Variants in NUBP1 observed in about 807,000 individuals in gnomAD.
NUBP1 encodes the protein NUBP iron-sulfur cluster assembly factor 1, cytosolic.
A neutral mutation model predicts 41.8 loss-of-function variants in NUBP1; 46 were observed. The observed-to-expected ratio is 1.10, with a 90% CI of 0.87 to 1.41. The LOEUF (loss-of-function observed/expected upper bound fraction) is 1.41. Among genes scored for constraint, NUBP1 ranks in the 40% most tolerant of loss-of-function variants. NUBP1 has a pLI of 0.00. For missense variants in NUBP1, 494 were observed against 414.0 expected (o/e 1.19, Z -1.68); for synonymous variants, 189 against 154.6 (o/e 1.22, Z -1.65).
rs1054850473 is a variant in NUBP1 at position 10,761,266 on chromosome 16, A to T, written c.607-98A>T. The stretch of plus-strand genomic sequence containing the variant: ...GGGCAGAAACCTCTAAGGCTTTATG[A>T]TCGCAGATCCACTGCATTGCAGCCA... On this transcript the variant is annotated intron_variant, in intron 7 of 10. Transcript: ENST00000283027. 2.7e-6 allele frequency: 3 copies of T among 1,098,694 alleles called. No individual in the cohort carries two copies. The African/African-American group carries it at 4.7e-5, about 17-fold the overall frequency. 68.1% of individuals were successfully genotyped at this position (1,098,694 alleles called of 1,614,324 possible).
chr16:10,765,309 G>A lies in NUBP1; in HGVS notation c.821-2640G>A, dbSNP rs941159069. ...ACCATGCTCTAGCCTGGGTAACACA[G>A]GAAGATACCTCATCTCTTAAAAAAA... On this transcript the variant is annotated intron_variant, in intron 9 of 10. Coordinates refer to ENST00000283027, the MANE Select transcript of NUBP1 (RefSeq NM_002484.4). The surrounding 1 kb of genome is among the most constrained non-coding windows in gnomAD (Gnocchi z 4.0). 1.4e-5 allele frequency among the ~76,000 whole-genome samples: 2 copies of A among 141,256 alleles called. No homozygotes were observed. Among genetic ancestry groups the A allele is most frequent in the African/African-American group, 5.3e-5 (2 of 37,738 alleles). The allele number at this position is 141,256 out of a possible 152,430, so 92.7% of individuals were successfully genotyped here.
rs2029985989 is a variant in NUBP1, at chr16:10,761,979, C to G, written c.820+120C>G. On this transcript the variant is annotated intron_variant, in intron 9 of 10. Transcript: ENST00000283027. ...TGGAAGGAGGAGGGTCAATGGGGCG[C>G]TGGAGCCAGACCCACCCTCCAGCTG... is the stretch of plus-strand genomic sequence containing the variant. 3 of 745,858 alleles carry G rather than the reference C, an allele frequency of 4.0e-6. No individual in the cohort carries two copies. In the Admixed American group the frequency reaches 8.0e-5, roughly 20 times the overall value. The allele number at this position is 745,858 out of a possible 1,614,324, so 46.2% of individuals were successfully genotyped here. A position where few individuals can be genotyped will look rare whatever the true frequency, so the allele number is the denominator to read the frequency against.
At chr16:10,752,728 T>G in intron 4 of NUBP1, 50 bp downstream of exon 4, 25 of 1,453,606 alleles carry the variant, frequency 1.7e-5, no homozygotes, top group South Asian at 2.3e-5. Context: ...AGGCAAACTC[T>G]GTAGCACTGA....
intron 2 of NUBP1, among the ~76,000 whole-genome samples, chr16:10,744,810 T>G (rs1393377528): frequency 1.3e-5 from 2 of 151,622 alleles, no homozygotes; most frequent in Non-Finnish European, 2.9e-5. Flanking sequence ...CAGACCAGAG[T>G]GCAGTGGTGT....
chr16:10,758,429 C>T lies in NUBP1; in HGVS notation c.606+402C>T, dbSNP rs546658305. ...AGGAGGTTGCAGTGAGCCATGATCA[C>T]GCCAGTGCAGTCCAGCCAGCGCAAG... is the stretch of plus-strand genomic sequence containing the variant. On this transcript the variant is annotated intron_variant, in intron 7 of 10. Transcript: ENST00000283027. Among the ~76,000 whole-genome samples, 189 of 152,292 alleles carry T rather than the reference C, an allele frequency of 1.2e-3. 2 individuals are homozygous for T. The highest frequency in any genetic ancestry group is 4.3e-3 in the African/African-American group (177 of 41,564).
At chr16:10,755,886 T>G in intron 5 of NUBP1, 133 bp downstream of exon 5, 2 of 782,128 alleles carry the variant, frequency 2.6e-6, no homozygotes, top group Non-Finnish European at 4.3e-6. Flanking sequence ...TTAAAACCAG[T>G]GATTGGCAGG....
chr16:10,764,898 T>C (rs1262038562), intron 9 of NUBP1: 1 of 173,900 alleles, frequency 5.8e-6, no homozygotes, highest in East Asian at 1.9e-4. Context: ...TGCTGGAGTA[T>C]GTCAGTCTGT....
intron 6 of NUBP1, 72 bp downstream of exon 6, chr16:10,756,852 CCT>C: frequency 8.2e-7 from 1 of 1,219,336 alleles, no homozygotes; most frequent in Non-Finnish European, 1.2e-6. Context: ...TTATCTGCTC[CCT>C]GTCCTGCCAG....
rs1037121094 is a variant in NUBP1 at position 10,759,228 on chromosome 16, G to C, written c.606+1201G>C. 1.3e-5 allele frequency among the ~76,000 whole-genome samples: 2 copies of C among 152,346 alleles called. No individual in the cohort carries two copies. The highest frequency in any genetic ancestry group is 4.8e-5 in the African/African-American group (2 of 41,582). ...CCCCTGTGGCTCCCTGAGGAACACA[G>C]GTGCTGGACACAGGGATGAGGGTAC... is the stretch of plus-strand genomic sequence containing the variant. On this transcript the variant is annotated intron_variant, in intron 7 of 10. Coordinates refer to ENST00000283027, the MANE Select transcript of NUBP1 (RefSeq NM_002484.4). The surrounding 1 kb of genome is among the most constrained non-coding windows in gnomAD (Gnocchi z 4.7).
At chr16:10,752,926 C>G (rs1471617069) in intron 4 of NUBP1, among the ~76,000 whole-genome samples, 1 of 152,196 alleles carries the variant, frequency 6.6e-6, no homozygotes, top group African/African-American at 2.4e-5. Flanking sequence ...TCCTGAGTAG[C>G]TGGGACTACA....
Position 10,766,374 on chromosome 16 carries a change from C to T in NUBP1, c.821-1575C>T, listed in dbSNP as rs62027828. On this transcript the variant is annotated intron_variant, in intron 9 of 10. Coordinates refer to ENST00000283027, the MANE Select transcript of NUBP1 (RefSeq NM_002484.4). This position sits in a 1 kb window ranked among gnomAD's most constrained non-coding sequence, Gnocchi z 4.8. ...CACCAGCTGTTCTGATAATGCTGCC[C>T]GTTCTTGGAGAGGTGGGAGCCCAGG... Among the ~76,000 whole-genome samples, 570 of 152,262 alleles carry T rather than the reference C, an allele frequency of 3.7e-3. 2 individuals are homozygous for T. The highest frequency in any genetic ancestry group is 0.017 in the Middle Eastern group (5 of 294).
Position 10,762,757 on chromosome 16 carries a change from A to G in NUBP1, c.820+898A>G, listed in dbSNP as rs1029817345. On this transcript the variant is annotated intron_variant, in intron 9 of 10. Transcript: ENST00000283027. Reference sequence around the variant, plus strand: ...TGTGAGGTGTCTGTGCCGGGACAGGAGAGAGGGGCCGGGCGGGTGAAGTAT... The same window carrying G: ...TGTGAGGTGTCTGTGCCGGGACAGGGGAGAGGGGCCGGGCGGGTGAAGTAT... Among the ~76,000 whole-genome samples, 16 of 150,806 alleles carry G rather than the reference A, an allele frequency of 1.1e-4. No homozygotes were observed. In the East Asian group the frequency reaches 3.1e-3, roughly 30 times the overall value.
intron 5 of NUBP1, among the ~76,000 whole-genome samples, chr16:10,756,227 A>G (rs971541619): frequency 3.9e-5 from 6 of 152,090 alleles, no homozygotes; most frequent in Non-Finnish European, 7.4e-5. Context: ...AAAGATACAA[A>G]AATTAGCCGA....
At position 10,766,599 on chromosome 16, in the gene NUBP1, C is replaced by T. The variant is rs1596479275; in HGVS notation, c.821-1350C>T. The T allele has an allele frequency of 1.1e-5, 2 of 179,828 alleles. No homozygotes were observed. Among genetic ancestry groups the T allele is most frequent in the East Asian group, 2.9e-4 (2 of 6,952 alleles). 11.1% of individuals were successfully genotyped at this position (179,828 alleles called of 1,614,324 possible). On this transcript the variant is annotated intron_variant, in intron 9 of 10. Transcript: ENST00000283027. The surrounding 1 kb of genome is among the most constrained non-coding windows in gnomAD (Gnocchi z 4.8). ...CTCCCTAGCGAGTTCCACATGGTCTCATGGGCCCAGCGTTAACGGCGGAGG... is the reference window on the plus strand; with the variant it reads ...CTCCCTAGCGAGTTCCACATGGTCTTATGGGCCCAGCGTTAACGGCGGAGG...
intron 3 of NUBP1, 90 bp from the exon 4 acceptor site, chr16:10,752,520 T>C: frequency 1.9e-6 from 2 of 1,041,308 alleles, no homozygotes; most frequent in Admixed American, 3.5e-5. Context: ...CCCCTGTCCT[T>C]TTCCTCTAAC....
intron 7 of NUBP1, 141 bp from the exon 8 acceptor site, chr16:10,761,223 C>T: frequency 3.0e-6 from 2 of 669,554 alleles, no homozygotes; most frequent in Non-Finnish European, 5.0e-6. Flanking sequence ...GATGGGGACA[C>T]AGAGCCAAAC....
intron 4 of NUBP1, among the ~76,000 whole-genome samples, chr16:10,754,248 A>ATTTTAT (rs373945552): frequency 5.7e-5 from 8 of 139,632 alleles, no homozygotes; most frequent in African/African-American, 2.3e-4. Flanking sequence ...ATTTTATTTT[A>ATTTTAT]TTTATTTTAT....
At chr16:10,752,937 G>A (rs1364984644) in intron 4 of NUBP1, among the ~76,000 whole-genome samples, 5 of 152,190 alleles carry the variant, frequency 3.3e-5, no homozygotes, top group African/African-American at 9.7e-5. Flanking sequence ...TGGGACTACA[G>A]TGGTGTGCCA....
rs554099053 is a variant in NUBP1 at position 10,759,705 on chromosome 16, G to A, written c.607-1659G>A. Reference sequence around the variant, plus strand: ...GTGGGAGAAGTGCTTGAATCCAGGAGACAGAGGTTGCAGTGAGCCGAGATC... The same window carrying A: ...GTGGGAGAAGTGCTTGAATCCAGGAAACAGAGGTTGCAGTGAGCCGAGATC... On this transcript the variant is annotated intron_variant, in intron 7 of 10. Coordinates refer to ENST00000283027, the MANE Select transcript of NUBP1 (RefSeq NM_002484.4). This position sits in a 1 kb window ranked among gnomAD's most constrained non-coding sequence, Gnocchi z 4.7. 7.0e-4 allele frequency among the ~76,000 whole-genome samples: 106 copies of A among 152,286 alleles called. No individual in the cohort carries two copies. Among genetic ancestry groups the A allele is most frequent in the African/African-American group, 2.4e-3 (100 of 41,570 alleles).
Sources: allele counts gnomAD v4.1 joint callset (sites outside exome capture counted in the v4.1 genomes callset), GRCh38; gene constraint gnomAD v4.1.1; non-coding constraint Gnocchi (gnomAD v3.1); transcripts MANE v1.5; gene names NCBI Gene and HGNC (gene_info 2026-07-23, HGNC 2026-07-21).